MRC1: variants seen among roughly 807,000 people sequenced by gnomAD.
The protein encoded by MRC1 is mannose receptor C-type 1, also known as macrophage mannose receptor 1.
MRC1 carries 62 observed loss-of-function variants against 102.9 expected under a neutral mutation model. The observed-to-expected ratio is 0.60, with a 90% CI of 0.49 to 0.74. MRC1 has a LOEUF of 0.74. MRC1 is among the 30% of genes least tolerant of loss of function. The pLI, the probability that MRC1 is intolerant of heterozygous loss-of-function variation, is 0.00. For synonymous variants in MRC1, 457 were observed against 298.4 expected, an observed-to-expected ratio of 1.53 and a Z score of -5.48; for missense variants, 1,237 against 862.8, an observed-to-expected ratio of 1.43 and a Z score of -5.43.
At chr10:17,879,700 T>C (rs1554842299) in intron 18 of MRC1, 21 bp from the exon 19 acceptor site, 3 of 780,832 alleles carry the variant, frequency 3.8e-6, no homozygotes, top group Non-Finnish European at 7.2e-6. Context: ...CGTTTCAAAA[T>C]GCCTGAATTT....
At chr10:17,849,816 C>T (rs912658129) in intron 7 of MRC1, 52 bp downstream of exon 7, 2 of 735,768 alleles carry the variant, frequency 2.7e-6, no homozygotes, top group African/African-American at 1.7e-5. Flanking sequence ...GGGAGCACCC[C>T]TTTCTACCCA....
intron 23 of MRC1, among the ~76,000 whole-genome samples, chr10:17,897,476 A>T (rs1477799226): frequency 6.6e-6 from 1 of 152,184 alleles, no homozygotes; most frequent in African/African-American, 2.4e-5. Context: ...GTAAAGCTTG[A>T]TCTTGAGATC....
Position 17,823,315 on chromosome 10 carries a change from G to A in MRC1, c.303G>A (p.Glu101=), listed in dbSNP as rs1219316288. The change falls in exon 2 of 30, where the codon GAG becomes GAA. Residue 101 remains glutamate, a synonymous_variant. Coordinates refer to ENST00000569591, the MANE Select transcript of MRC1 (RefSeq NM_002438.4). ...CAAAAAGTGAATTTCAGAAATGGGAGTGCAAAAATGACACACTTTTGGGGA... is the reference window on the plus strand; with the variant it reads ...CAAAAAGTGAATTTCAGAAATGGGAATGCAAAAATGACACACTTTTGGGGA... The part of the protein sequence containing the change: ...CDSKSEFQKW[E]CKNDTLLGIK... The A allele has an allele frequency of 3.8e-6, 3 of 780,842 alleles. No homozygotes were observed. Among genetic ancestry groups the A allele is most frequent in the Non-Finnish European group, 7.2e-6 (3 of 417,962 alleles). The allele number at this position is 780,842 out of a possible 1,614,324, so 48.4% of individuals were successfully genotyped here.
intron 5 of MRC1, among the ~76,000 whole-genome samples, chr10:17,841,740 ATTTT>A (rs35422170): frequency 7.9e-6 from 1 of 126,736 alleles, no homozygotes; most frequent in Non-Finnish European, 1.7e-5. Flanking sequence ...CCCCAGTGCC[ATTTT>A]TTTTTTTTTT....
At chr10:17,812,697 G>A (rs1033513955) in intron 1 of MRC1, among the ~76,000 whole-genome samples, 3 of 150,200 alleles carry the variant, frequency 2.0e-5, no homozygotes, top group Admixed American at 6.7e-5. Flanking sequence ...TCAGCCTCCC[G>A]AGTAGCTGGG....
chr10:17,894,394 C>CTTTTTTTTTTTTTTTTTTTTTTTTTTT (rs34625338), intron 23 of MRC1, 82 bp downstream of exon 23: 73 of 406,284 alleles, frequency 1.8e-4, no homozygotes, highest in African/African-American at 2.8e-4. Flanking sequence ...TTCTTTCTTT[C>CTTTTTTTTTTTTTTTTTTTTTTTTTTT]TTTTTTTTTT....
intron 1 of MRC1, among the ~76,000 whole-genome samples, chr10:17,811,267 A>G (rs1253221149): frequency 6.6e-6 from 1 of 152,158 alleles, no homozygotes; most frequent in Non-Finnish European, 1.5e-5. Context: ...TTAAGTGTAC[A>G]ATGGTTACAT....
rs2130675256 is a variant in MRC1, at chr10:17,870,227, G to A, written c.1984-19G>A. 2 of 770,128 alleles carry A rather than the reference G, an allele frequency of 2.6e-6. No homozygotes were observed. Among genetic ancestry groups the A allele is most frequent in the African/African-American group, 1.7e-5 (1 of 58,370 alleles). The allele number at this position is 770,128 out of a possible 1,614,324, so 47.7% of individuals were successfully genotyped here. A position where few individuals can be genotyped will look rare whatever the true frequency, so the allele number is the denominator to read the frequency against. ...AACTACAAAGCATAAAATAATTTTT[G>A]TAACCATATCATCTTCAGCTGTATG... On this transcript the variant is annotated intron_variant, in intron 12 of 29. Transcript: ENST00000569591.
intron 11 of MRC1, among the ~76,000 whole-genome samples, chr10:17,863,895 G>A (rs1348715221): frequency 6.6e-6 from 1 of 151,368 alleles, no homozygotes; most frequent in Non-Finnish European, 1.5e-5. Context: ...AAGAAAAAAG[G>A]AAGAAAAAAA....
At chr10:17,900,110 A>AAC (rs1833808860) in intron 24 of MRC1, among the ~76,000 whole-genome samples, 1 of 151,612 alleles carries the variant, frequency 6.6e-6, no homozygotes, top group Admixed American at 6.6e-5. Flanking sequence ...AAAAAAAAAA[A>AAC]AAAAAAGAAA....
In MRC1 at chr10:17,877,968, G is replaced by T; in HGVS notation, c.2618+1G>T. ...TGATCAGCTTGGATAAAAAGTTTGCGTAAGTAAATCAAGCTAAAAACAACT... is the reference window on the plus strand; with the variant it reads ...TGATCAGCTTGGATAAAAAGTTTGCTTAAGTAAATCAAGCTAAAAACAACT... On this transcript the variant is annotated splice_donor_variant, in intron 18 of 29. Transcript: ENST00000569591. LOFTEE classifies it high-confidence loss of function. 1.1e-6 allele frequency: 1 copy of T among 872,026 alleles called. No individual in the cohort carries two copies. The highest frequency in any genetic ancestry group is 1.3e-5 in the South Asian group (1 of 76,520). The allele number at this position is 872,026 out of a possible 1,614,324, so 54.0% of individuals were successfully genotyped here. A position where few individuals can be genotyped will look rare whatever the true frequency, so the allele number is the denominator to read the frequency against.
intron 23 of MRC1, among the ~76,000 whole-genome samples, chr10:17,897,682 A>G (rs1833774430): frequency 6.6e-6 from 1 of 152,230 alleles, no homozygotes; most frequent in Admixed American, 6.5e-5. Flanking sequence ...TAGCAATGAC[A>G]CAATCATCTA....
chr10:17,832,744 C>A (rs898724735), intron 3 of MRC1, among the ~76,000 whole-genome samples: 14 of 151,040 alleles, frequency 9.3e-5, no homozygotes, highest in African/African-American at 3.4e-4. Context: ...CCCGCCACCA[C>A]GCCCGGCTAA....
intron 5 of MRC1, among the ~76,000 whole-genome samples, 194 bp downstream of exon 5, chr10:17,841,000 G>A (rs1554839854): frequency 3.9e-5 from 6 of 152,168 alleles, no homozygotes; most frequent in Non-Finnish European, 8.8e-5. Flanking sequence ...CCAGCTTCCT[G>A]GGATAGGGAT....
At chr10:17,906,467 C>T (rs1353475315) in intron 26 of MRC1, among the ~76,000 whole-genome samples, 2 of 152,022 alleles carry the variant, frequency 1.3e-5, no homozygotes, top group Non-Finnish European at 2.9e-5. Flanking sequence ...TCCTATTCTT[C>T]TCTCTACTGA....
intron 4 of MRC1, among the ~76,000 whole-genome samples, chr10:17,839,956 C>T (rs1838725638): frequency 6.6e-6 from 1 of 150,608 alleles, no homozygotes. Flanking sequence ...ATCCCAGCTA[C>T]TCGAGAGGCT....
At chr10:17,840,045 G>A (rs1015491495) in intron 4 of MRC1, among the ~76,000 whole-genome samples, 20 of 121,908 alleles carry the variant, frequency 1.6e-4, no homozygotes, top group Non-Finnish European at 2.8e-4. Flanking sequence ...CAGCCTGGGC[G>A]ACAGTGCAAG....
At chr10:17,854,978 G>A (rs1420796043) in intron 8 of MRC1, among the ~76,000 whole-genome samples, 6 of 152,060 alleles carry the variant, frequency 3.9e-5, no homozygotes, top group East Asian at 3.9e-4. Flanking sequence ...GGCGTGAGCC[G>A]CCGCGCTTGG....
intron 15 of MRC1, among the ~76,000 whole-genome samples, chr10:17,873,053 A>G (rs1833376584): frequency 6.6e-6 from 1 of 152,172 alleles, no homozygotes; most frequent in East Asian, 1.9e-4. Flanking sequence ...TTATCTACCA[A>G]TGGCTAGTAT....
Sources: gnomAD v4.1 joint callset for allele counts (sites outside exome capture counted in the v4.1 genomes callset) on GRCh38, gnomAD v4.1.1 for gene constraint, MANE v1.5 for transcripts, NCBI Gene and HGNC (gene_info 2026-07-23, HGNC 2026-07-21) for gene names.